Variants in CNBD1 observed in about 807,000 individuals in gnomAD.
CNBD1 encodes the protein cyclic nucleotide-binding domain-containing protein 1.
Under a neutral mutation model 54.4 loss-of-function variants are expected in CNBD1, and 71 were observed. The observed-to-expected ratio is 1.30, with a 90% CI of 1.08 to 1.59. CNBD1 has a LOEUF of 1.59. Among genes scored for constraint, CNBD1 ranks in the 40% most tolerant of loss-of-function variants. The pLI, the probability that CNBD1 is intolerant of heterozygous loss-of-function variation, is 0.00. For synonymous variants in CNBD1, 182 were observed against 170.7 expected, an observed-to-expected ratio of 1.07 and a Z score of -0.51; for missense variants, 659 against 518.0, an observed-to-expected ratio of 1.27 and a Z score of -2.64.
chr8:86,885,979 G>A (rs1338226903), intron 1 of CNBD1, among the ~76,000 whole-genome samples: 2 of 152,070 alleles, frequency 1.3e-5, no homozygotes, highest in Admixed American at 6.6e-5. Context: ...TGTTCTATAA[G>A]TCTTATTTTT....
intron 4 of CNBD1, among the ~76,000 whole-genome samples, chr8:86,997,172 A>G (rs1325881074): frequency 6.6e-6 from 1 of 152,196 alleles, no homozygotes; most frequent in Non-Finnish European, 1.5e-5. Flanking sequence ...TGGAGTACAT[A>G]CTGTGTAATT....
intron 4 of CNBD1, among the ~76,000 whole-genome samples, chr8:87,046,528 T>C (rs967695365): frequency 6.6e-6 from 1 of 152,152 alleles, no homozygotes; most frequent in African/African-American, 2.4e-5. Flanking sequence ...TCCCCTCCAA[T>C]GCCTAGGGAG....
At chr8:87,380,443 G>A (rs917878279) in intron 10 of CNBD1, among the ~76,000 whole-genome samples, 4 of 151,932 alleles carry the variant, frequency 2.6e-5, no homozygotes, top group African/African-American at 9.7e-5. Context: ...TTTCAAAGCA[G>A]GTGGTGTGAT....
At chr8:87,047,378 A>C (rs1339009061) in intron 4 of CNBD1, among the ~76,000 whole-genome samples, 11 of 152,168 alleles carry the variant, frequency 7.2e-5, no homozygotes, top group Non-Finnish European at 1.6e-4. Flanking sequence ...ATCATCAAGA[A>C]GCCTCCCAGT....
chr8:87,074,890 T>C (rs1178404026), intron 4 of CNBD1, among the ~76,000 whole-genome samples: 1 of 152,210 alleles, frequency 6.6e-6, no homozygotes, highest in African/African-American at 2.4e-5. Flanking sequence ...CAGAAACCAC[T>C]AGTTTCATTT....
Position 87,351,698 on chromosome 8 carries a change from T to C in CNBD1, c.1056T>C (p.Ser352=). ...KFPPGHVIVE[S]GNIISFVGYI... is the part of the protein sequence containing the mutation. The stretch of plus-strand genomic sequence containing the variant: ...TCTTCTTTTCAGTGATAGTGGAAAG[T>C]GGAAATATAATTTCTTTTGTGGGTT... Residue 352 remains serine, a synonymous_variant, in exon 9 of 11, where the codon AGT becomes AGC. Coordinates refer to ENST00000518476, the MANE Select transcript of CNBD1 (RefSeq NM_173538.3). The C allele has an allele frequency of 6.6e-7, 1 of 1,518,078 alleles. No individual in the cohort carries two copies. The highest frequency in any genetic ancestry group is 8.8e-7 in the Non-Finnish European group (1 of 1,137,530). 94.0% of individuals were successfully genotyped at this position (1,518,078 alleles called of 1,614,324 possible).
intron 3 of CNBD1, among the ~76,000 whole-genome samples, chr8:86,939,223 T>TA (rs558049393): frequency 5.4e-4 from 81 of 151,118 alleles, no homozygotes; most frequent in East Asian, 2.9e-3. Context: ...TCCTTGGTGC[T>TA]AAAAAAAAAC....
intron 4 of CNBD1, among the ~76,000 whole-genome samples, chr8:87,148,217 G>A (rs113431058): frequency 1.6e-4 from 25 of 152,166 alleles, no homozygotes; most frequent in African/African-American, 4.8e-4. Context: ...AGGATTTAAA[G>A]TATTCTCTTT....
intron 3 of CNBD1, among the ~76,000 whole-genome samples, chr8:86,921,718 A>G (rs1421643584): frequency 6.6e-6 from 1 of 152,156 alleles, no homozygotes; most frequent in East Asian, 1.9e-4. Flanking sequence ...ATTATCTCCC[A>G]CCAGGTCTCT....
chr8:86,929,123 T>A (rs1295241497), intron 3 of CNBD1, among the ~76,000 whole-genome samples: 1 of 152,228 alleles, frequency 6.6e-6, no homozygotes, highest in East Asian at 1.9e-4. Context: ...AATGGTTTTC[T>A]TCTGCCTTTT....
intron 4 of CNBD1, among the ~76,000 whole-genome samples, chr8:87,072,739 T>C (rs1042705040): frequency 6.6e-5 from 10 of 151,900 alleles, no homozygotes; most frequent in Non-Finnish European, 1.5e-4. Flanking sequence ...TTGCCCTTGA[T>C]ATTTTTTTTT....
At chr8:87,308,493 G>T (rs1180448606) in intron 8 of CNBD1, among the ~76,000 whole-genome samples, 1 of 151,972 alleles carries the variant, frequency 6.6e-6, no homozygotes, top group East Asian at 1.9e-4. Flanking sequence ...TATTTATGGG[G>T]TACATGTGAT....
chr8:87,157,436 A>G (rs948795038), intron 4 of CNBD1, among the ~76,000 whole-genome samples: 2 of 152,236 alleles, frequency 1.3e-5, no homozygotes, highest in Non-Finnish European at 2.9e-5. Context: ...TAAGGTGACA[A>G]TCTTGATCTG....
chr8:87,233,939 A>G (rs1254677082), intron 5 of CNBD1, among the ~76,000 whole-genome samples: 1 of 152,172 alleles, frequency 6.6e-6, no homozygotes, highest in Non-Finnish European at 1.5e-5. Flanking sequence ...TGCTTTATCA[A>G]CTAAGTTTAT....
At chr8:87,229,852 A>G (rs1814629021) in intron 5 of CNBD1, among the ~76,000 whole-genome samples, 1 of 152,334 alleles carries the variant, frequency 6.6e-6, no homozygotes, top group South Asian at 2.1e-4. Context: ...TATGCCAACT[A>G]TGTTAATTTA....
chr8:87,286,388 A>T (rs931130654), intron 7 of CNBD1, 151 bp from the exon 8 acceptor site: 3 of 537,568 alleles, frequency 5.6e-6, no homozygotes, highest in Non-Finnish European at 9.8e-6. Flanking sequence ...ATGTGGCCAT[A>T]GAGTGATGCT....
chr8:86,942,911 G>A (rs1458911602), intron 4 of CNBD1, among the ~76,000 whole-genome samples: 1 of 152,140 alleles, frequency 6.6e-6, no homozygotes, highest in South Asian at 2.1e-4. Context: ...TAAGTTGTCA[G>A]GTCTGTGGCC....
chr8:87,274,283 C>T (rs1585975166), intron 6 of CNBD1, among the ~76,000 whole-genome samples: 1 of 150,084 alleles, frequency 6.7e-6, no homozygotes, highest in Non-Finnish European at 1.5e-5. Context: ...TGGGTATATA[C>T]CCAGTAATGG....
intron 2 of CNBD1, among the ~76,000 whole-genome samples, chr8:86,895,411 C>T (rs1808835520): frequency 1.3e-5 from 2 of 152,132 alleles, no homozygotes; most frequent in Admixed American, 6.5e-5. Flanking sequence ...ACAAATAAAG[C>T]TGCTATGAAC....
Sources: allele counts gnomAD v4.1 joint callset (sites outside exome capture counted in the v4.1 genomes callset), GRCh38; gene constraint gnomAD v4.1.1; transcripts MANE v1.5; gene names NCBI Gene and HGNC (gene_info 2026-07-23, HGNC 2026-07-21).